Variants in CYP27C1 observed in about 807,000 individuals in gnomAD.
CYP27C1 encodes cytochrome P450 27C1.
A neutral mutation model predicts 40.6 loss-of-function variants in CYP27C1; 29 were observed. The ratio of observed to expected loss-of-function variants is 0.71; its 90% CI spans 0.53 to 0.97. The LOEUF is 0.97. Among genes scored for constraint, CYP27C1 ranks in the 50% least tolerant of loss-of-function variants. The probability of loss-of-function intolerance (pLI) is 0.00; values close to 1 mark genes in which losing one functional copy is unlikely to be tolerated. For synonymous variants in CYP27C1, 198 were observed against 186.8 expected, an observed-to-expected ratio of 1.06 and a Z score of -0.49; for missense variants, 390 against 485.8, an observed-to-expected ratio of 0.80 and a Z score of 1.85.
chr2:127,199,293 C>T, intron 5 of CYP27C1, 83 bp downstream of exon 5: 3 of 1,541,340 alleles, frequency 1.9e-6, no homozygotes, highest in Non-Finnish European at 1.8e-6. Context: ...TCCTCCCGCT[C>T]CAAAAAAGTA....
chr2:127,201,634 A>G lies in CYP27C1; in HGVS notation c.674-303T>C, dbSNP rs1683037727. The stretch of plus-strand genomic sequence containing the variant: ...TTAAGTAGCTTGGCTAAGGCTGCAG[A>G]GGAGGACCCTGGGACAGATCTGGAG... On this transcript the variant is annotated intron_variant, in intron 3 of 8. Transcript: ENST00000664447. The surrounding 1 kb of genome is among the most constrained non-coding windows in gnomAD (Gnocchi z 6.0). Among the ~76,000 whole-genome samples the G allele has an allele frequency of 6.6e-6, 1 of 152,186 alleles. No homozygotes were observed. Among genetic ancestry groups the G allele is most frequent in the African/African-American group, 2.4e-5 (1 of 41,436 alleles).
intron 1 of CYP27C1, among the ~76,000 whole-genome samples, chr2:127,207,821 T>C (rs1683261690): frequency 6.6e-6 from 1 of 152,080 alleles, no homozygotes; most frequent in African/African-American, 2.4e-5. Flanking sequence ...CTGAAATAAA[T>C]GGCAAGACAT....
At chr2:127,213,736 C>G (rs181205192) in intron 1 of CYP27C1, among the ~76,000 whole-genome samples, 234 of 152,238 alleles carry the variant, frequency 1.5e-3, no homozygotes, top group African/African-American at 5.4e-3. Context: ...TAGGCAATAC[C>G]ATTCAGAACA....
rs1352736572 is a variant in CYP27C1 at position 127,200,048 on chromosome 2, C to T, written c.884-509G>A. Among the ~76,000 whole-genome samples the T allele has an allele frequency of 6.6e-6, 1 of 152,172 alleles. No individual in the cohort carries two copies. The highest frequency in any genetic ancestry group is 6.5e-5 in the Admixed American group (1 of 15,276). ...AGGCTGGAGTGCAGTGGCAGGATCT[C>T]GGCTCACTGCAACCTCCGCCTCCCG... On this transcript the variant is annotated intron_variant, in intron 4 of 8. Coordinates refer to ENST00000664447, the MANE Select transcript of CYP27C1 (RefSeq NM_001367502.1). The surrounding 1 kb of genome is among the most constrained non-coding windows in gnomAD (Gnocchi z 4.2).
intron 5 of CYP27C1, among the ~76,000 whole-genome samples, chr2:127,197,406 C>CT (rs1353314069): frequency 6.6e-6 from 1 of 152,050 alleles, no homozygotes; most frequent in African/African-American, 2.4e-5. Flanking sequence ...AGCCTTGAGG[C>CT]TTTTTTGCCC....
At position 127,218,647 on chromosome 2, in the gene CYP27C1, C is replaced by T. The variant is rs920075265; in HGVS notation, c.282+1342G>A. Reference sequence around the variant, plus strand: ...TCCCTCACGTTCATTGACTGAATGGCTGATGGAACGAATGAATGACTGAAG... The same window carrying T: ...TCCCTCACGTTCATTGACTGAATGGTTGATGGAACGAATGAATGACTGAAG... On this transcript the variant is annotated intron_variant, in intron 1 of 8. Transcript: ENST00000664447. The surrounding 1 kb of genome is among the most constrained non-coding windows in gnomAD (Gnocchi z 6.0). Among the ~76,000 whole-genome samples, 13 of 152,200 alleles carry T rather than the reference C, an allele frequency of 8.5e-5. No individual in the cohort carries two copies. Among genetic ancestry groups the T allele is most frequent in the South Asian group, 2.1e-4 (1 of 4,834 alleles).
intron 1 of CYP27C1, among the ~76,000 whole-genome samples, chr2:127,211,052 A>T (rs936923758): frequency 6.6e-6 from 1 of 152,190 alleles, no homozygotes; most frequent in Non-Finnish European, 1.5e-5. Context: ...CCCCAAATCA[A>T]CAGAATATAC....
chr2:127,210,612 GC>G (rs1447961372), intron 1 of CYP27C1, among the ~76,000 whole-genome samples: 3 of 151,824 alleles, frequency 2.0e-5, no homozygotes, highest in Non-Finnish European at 2.9e-5. Flanking sequence ...TATTCAGGAG[GC>G]CTATCTTAAA....
rs1683265047 is a variant in CYP27C1, at chr2:127,208,069, C to A, written c.283-1979G>T. Among the ~76,000 whole-genome samples the A allele has an allele frequency of 6.6e-6, 1 of 152,174 alleles. No individual in the cohort carries two copies. Among genetic ancestry groups the A allele is most frequent in the African/African-American group, 2.4e-5 (1 of 41,440 alleles). Reference sequence around the variant, plus strand: ...CTGGTGGACCCCCATTTTCCTGTTTCAAGACTTAGTATGGGAGAGGGGCCA... The same window carrying A: ...CTGGTGGACCCCCATTTTCCTGTTTAAAGACTTAGTATGGGAGAGGGGCCA... On this transcript the variant is annotated intron_variant, in intron 1 of 8. Coordinates refer to ENST00000664447, the MANE Select transcript of CYP27C1 (RefSeq NM_001367502.1). The surrounding 1 kb of genome is among the most constrained non-coding windows in gnomAD (Gnocchi z 5.2).
In CYP27C1 at chr2:127,195,522, A is replaced by T; in HGVS notation, c.1048-21T>A. 6.2e-7 allele frequency: 1 copy of T among 1,612,850 alleles called. No individual in the cohort carries two copies. Among genetic ancestry groups the T allele is most frequent in the South Asian group, 1.1e-5 (1 of 90,886 alleles). On this transcript the variant is annotated intron_variant, in intron 5 of 8. Transcript: ENST00000664447. The surrounding 1 kb of genome is among the most constrained non-coding windows in gnomAD (Gnocchi z 6.2). Reference sequence around the variant, plus strand: ...GACGTCTAAGGAGAGAAAGTGGCAGACACAGGCAGGCAGTGAGTAACACCA... The same window carrying T: ...GACGTCTAAGGAGAGAAAGTGGCAGTCACAGGCAGGCAGTGAGTAACACCA...
chr2:127,206,452 G>T lies in CYP27C1; in HGVS notation c.283-362C>A, dbSNP rs141868407. Among the ~76,000 whole-genome samples the T allele has an allele frequency of 2.4e-4, 36 of 152,138 alleles. 2 individuals are homozygous for T. In the East Asian group the frequency reaches 7.0e-3, roughly 29 times the overall value. On this transcript the variant is annotated intron_variant, in intron 1 of 8. Transcript: ENST00000664447. The stretch of plus-strand genomic sequence containing the variant: ...GCCTCCCAAGTAGCTAGGACTGCAG[G>T]TGCACACCTCCACTCCCAGCTAATT...
chr2:127,215,038 A>C (rs981577443), intron 1 of CYP27C1, among the ~76,000 whole-genome samples: 2 of 151,068 alleles, frequency 1.3e-5, no homozygotes, highest in Non-Finnish European at 2.9e-5. Flanking sequence ...CTGAGGCAGG[A>C]GAACGGCGTG....
rs889061057 is a variant in CYP27C1 at position 127,209,030 on chromosome 2, C to T, written c.283-2940G>A. The stretch of plus-strand genomic sequence containing the variant: ...TGCTTTATTAAAAGGTTCTTGCTCC[C>T]CATGCCACCCAACTGGGTGAGACCC... On this transcript the variant is annotated intron_variant, in intron 1 of 8. Transcript: ENST00000664447. This position sits in a 1 kb window ranked among gnomAD's most constrained non-coding sequence, Gnocchi z 4.1. Among the ~76,000 whole-genome samples, 1 of 152,196 alleles carries T rather than the reference C, an allele frequency of 6.6e-6. No individual in the cohort carries two copies. The highest frequency in any genetic ancestry group is 1.5e-5 in the Non-Finnish European group (1 of 68,040).
chr2:127,216,026 A>G (rs1169941686), intron 1 of CYP27C1, among the ~76,000 whole-genome samples: 1 of 152,220 alleles, frequency 6.6e-6, no homozygotes, highest in East Asian at 1.9e-4. Context: ...CATAATCAAA[A>G]GGACAAGTAA....
chr2:127,190,050 A>G (rs1682728518), intron 8 of CYP27C1, among the ~76,000 whole-genome samples: 2 of 152,228 alleles, frequency 1.3e-5, no homozygotes, highest in African/African-American at 4.8e-5. Flanking sequence ...AAAACTTGCC[A>G]ATAACCCTGT....
intron 1 of CYP27C1, among the ~76,000 whole-genome samples, chr2:127,210,694 A>G (rs983326519): frequency 1.3e-5 from 2 of 152,130 alleles, no homozygotes; most frequent in Non-Finnish European, 2.9e-5. Context: ...AAGTGAAAAA[A>G]AAAAAAGCAG....
At position 127,186,987 on chromosome 2, in the gene CYP27C1, A is replaced by G; in HGVS notation, c.*284T>C. On this transcript the variant is annotated 3_prime_UTR_variant, in exon 9 of 9. Coordinates refer to ENST00000664447, the MANE Select transcript of CYP27C1 (RefSeq NM_001367502.1). The surrounding 1 kb of genome is among the most constrained non-coding windows in gnomAD (Gnocchi z 4.5). ...GGATACTGCCAGTCATTAAATATTG[A>G]GTCTAGCACAATGTATGAAGCATAA... The G allele has an allele frequency of 3.2e-6, 1 of 313,734 alleles. No homozygotes were observed. The highest frequency in any genetic ancestry group is 6.0e-6 in the Non-Finnish European group (1 of 167,946). 19.4% of individuals were successfully genotyped at this position (313,734 alleles called of 1,614,324 possible).
In CYP27C1 at chr2:127,187,388, C is replaced by T. The variant is rs1283846681; in HGVS notation, c.1498-1G>A. The T allele has an allele frequency of 2.5e-6, 4 of 1,613,412 alleles. No homozygotes were observed. In the East Asian group the frequency reaches 8.9e-5, roughly 36 times the overall value. Reference sequence around the variant, plus strand: ...TTTTGATCTCAAAATGTTGAAGCAACTAAGAAGAGAAAGAGAGAGAAGGGG... The same window carrying T: ...TTTTGATCTCAAAATGTTGAAGCAATTAAGAAGAGAAAGAGAGAGAAGGGG... On this transcript the variant is annotated splice_acceptor_variant, in intron 8 of 8. Transcript: ENST00000664447. LOFTEE classifies it high-confidence loss of function.
At chr2:127,216,134 T>C (rs1456190602) in intron 1 of CYP27C1, among the ~76,000 whole-genome samples, 1 of 152,170 alleles carries the variant, frequency 6.6e-6, no homozygotes, top group African/African-American at 2.4e-5. Flanking sequence ...AGTCTGGCAG[T>C]TCTTCAAAAG....
Sources: gnomAD v4.1 joint callset for allele counts (sites outside exome capture counted in the v4.1 genomes callset) on GRCh38, gnomAD v4.1.1 for gene constraint, Gnocchi (gnomAD v3.1) non-coding constraint, MANE v1.5 for transcripts, NCBI Gene and HGNC (gene_info 2026-07-23, HGNC 2026-07-21) for gene names.